The following PLEKHM1 variants were observed in gnomAD, a reference collection of about 807,000 sequenced individuals.
PLEKHM1 encodes the protein pleckstrin homology domain-containing family M member 1.
Under a neutral mutation model 94.3 loss-of-function variants are expected in PLEKHM1, and 28 were observed. That is an observed-to-expected ratio of 0.30 (90% CI 0.22 to 0.41). The LOEUF (loss-of-function observed/expected upper bound fraction) is 0.41, where lower values mean the gene tolerates loss of function less well. PLEKHM1 is among the 10% of genes least tolerant of loss of function. The pLI, the probability that PLEKHM1 is intolerant of heterozygous loss-of-function variation, is 1.00. For synonymous variants in PLEKHM1, 424 were observed against 581.2 expected, an observed-to-expected ratio of 0.73 and a Z score of 3.89; for missense variants, 907 against 1,358.6, an observed-to-expected ratio of 0.67 and a Z score of 5.22.
intron 11 of PLEKHM1, among the ~76,000 whole-genome samples, chr17:45,439,246 AG>A (rs1233188622): frequency 6.6e-6 from 1 of 152,254 alleles, no homozygotes; most frequent in Non-Finnish European, 1.5e-5. Context: ...CCATAGAGGC[AG>A]AGGAGTCCTG....
rs1215420622 is a variant in PLEKHM1 at position 45,435,921 on chromosome 17, T to C, written c.*1937A>G. 4.4e-6 allele frequency: 2 copies of C among 455,794 alleles called. No individual in the cohort carries two copies. Among genetic ancestry groups the C allele is most frequent in the Non-Finnish European group, 4.4e-6 (1 of 226,338 alleles). The allele number at this position is 455,794 out of a possible 1,614,324, so 28.2% of individuals were successfully genotyped here. A position where few individuals can be genotyped will look rare whatever the true frequency, so the allele number is the denominator to read the frequency against. The stretch of plus-strand genomic sequence containing the variant: ...CCAGTGATGAGAAAGATCAGGTCTT[T>C]ACTGCAAAATCATTCAAAACTCACA... On this transcript the variant is annotated 3_prime_UTR_variant, in exon 12 of 12. Transcript: ENST00000430334.
At chr17:45,456,819 A>T (rs939080210) in intron 6 of PLEKHM1, among the ~76,000 whole-genome samples, 5 of 152,208 alleles carry the variant, frequency 3.3e-5, no homozygotes, top group African/African-American at 1.2e-4. Context: ...TTACTGAAAA[A>T]TTTGGTTATG....
chr17:45,467,022 A>G (rs1470290563), intron 5 of PLEKHM1, among the ~76,000 whole-genome samples: 1 of 152,246 alleles, frequency 6.6e-6, no homozygotes, highest in Non-Finnish European at 1.5e-5. Flanking sequence ...AGGTTGCAAT[A>G]TATTTTTACA....
chr17:45,484,645 T>A (rs967257773), intron 1 of PLEKHM1, among the ~76,000 whole-genome samples: 3 of 152,240 alleles, frequency 2.0e-5, no homozygotes, highest in African/African-American at 7.2e-5. Context: ...TCACAGGTCA[T>A]GGCCCTCACA....
intron 1 of PLEKHM1, among the ~76,000 whole-genome samples, chr17:45,483,855 CCCTAGGAAAACCCGATT>C (rs1356452059): frequency 6.6e-6 from 1 of 152,144 alleles, no homozygotes; most frequent in African/African-American, 2.4e-5. Flanking sequence ...CCAACCCCAG[CCCTAGGAAAACCCGATT>C]CCTGAGTGAG....
At chr17:45,467,112 T>A (rs1343256576) in intron 5 of PLEKHM1, among the ~76,000 whole-genome samples, 3 of 152,222 alleles carry the variant, frequency 2.0e-5, no homozygotes, top group Non-Finnish European at 4.4e-5. Flanking sequence ...CATGCCCAGC[T>A]AATTTTTGTA....
At chr17:45,474,078 A>T (rs1399429476) in intron 4 of PLEKHM1, among the ~76,000 whole-genome samples, 1 of 148,818 alleles carries the variant, frequency 6.7e-6, no homozygotes, top group African/African-American at 2.5e-5. Flanking sequence ...TTTTTTTGAG[A>T]CAGAGTCTTA....
rs760295037 is a variant in PLEKHM1 at position 45,454,036 on chromosome 17, G to A, written c.1816C>T (p.Arg606Cys). 12 of 1,614,126 alleles carry A rather than the reference G, an allele frequency of 7.4e-6. No individual in the cohort carries two copies. Among genetic ancestry groups the A allele is most frequent in the South Asian group, 6.6e-5 (6 of 91,090 alleles). ...LVFSGKKLAL[R>C]ASSQDEAEDW... Reference sequence around the variant, plus strand: ...TCAGCTTCGTCCTGGGAGGAGGCGCGCAGGGCCAGCTTCTTGCCAGAGAAG... The same window carrying A: ...TCAGCTTCGTCCTGGGAGGAGGCGCACAGGGCCAGCTTCTTGCCAGAGAAG... Residue 606 changes from arginine (R) to cysteine (C), a missense_variant, in exon 7 of 12, where the codon CGC (arginine) becomes TGC (cysteine). This residue lies in a region of PLEKHM1 where 477 missense variants were observed against 601.5 expected (regional missense o/e 0.79). Coordinates refer to ENST00000430334, the MANE Select transcript of PLEKHM1 (RefSeq NM_014798.3).
chr17:45,479,286 G>A (rs62065436), intron 2 of PLEKHM1, among the ~76,000 whole-genome samples: 18,418 of 152,114 alleles, frequency 0.12, 1,536 homozygotes, highest in Middle Eastern at 0.21. Flanking sequence ...TTGGGAGGCC[G>A]AGGTGGGCGG....
At chr17:45,482,294 G>A in intron 2 of PLEKHM1, 143 bp downstream of exon 2, 1 of 554,338 alleles carries the variant, frequency 1.8e-6, no homozygotes, top group Non-Finnish European at 3.5e-6. Context: ...AAAAGACAGG[G>A]TCTCCTCAGA....
intron 4 of PLEKHM1, among the ~76,000 whole-genome samples, chr17:45,473,798 T>C (rs1430241869): frequency 1.3e-5 from 2 of 152,028 alleles, no homozygotes; most frequent in Non-Finnish European, 2.9e-5. Flanking sequence ...GCCTTTGTGA[T>C]CCGCCCGCCT....
chr17:45,443,521 C>T (rs1391099919), intron 9 of PLEKHM1, among the ~76,000 whole-genome samples: 1 of 152,220 alleles, frequency 6.6e-6, no homozygotes, highest in African/African-American at 2.4e-5. Flanking sequence ...CGCTGCTGCC[C>T]AGGGATGGAG....
chr17:45,442,990 A>G (rs1369357893), intron 9 of PLEKHM1, among the ~76,000 whole-genome samples: 1 of 152,168 alleles, frequency 6.6e-6, no homozygotes, highest in East Asian at 1.9e-4. Context: ...ACAGACACAC[A>G]ATGCCACTGG....
In PLEKHM1 at chr17:45,478,019, G is replaced by A; in HGVS notation, c.177C>T (p.Ile59=). Residue 59 remains isoleucine (I), a synonymous_variant, in exon 3 of 12, where the codon ATC becomes ATT. Coordinates refer to ENST00000430334, the MANE Select transcript of PLEKHM1 (RefSeq NM_014798.3). Reference sequence around the variant, plus strand: ...GGATGTGCTTGGCGTGCAGGCCATGGATAAATACGGCCTCCAGGGCGCTGC... The same window carrying A: ...GGATGTGCTTGGCGTGCAGGCCATGAATAAATACGGCCTCCAGGGCGCTGC... ...TMCSALEAVF[I]HGLHAKHIRA... 1 of 1,614,184 alleles carries A rather than the reference G, an allele frequency of 6.2e-7. No individual in the cohort carries two copies. Among genetic ancestry groups the A allele is most frequent in the South Asian group, 1.1e-5 (1 of 91,080 alleles).
At chr17:45,455,273 A>G (rs973284903) in intron 6 of PLEKHM1, among the ~76,000 whole-genome samples, 4 of 151,428 alleles carry the variant, frequency 2.6e-5, no homozygotes, top group African/African-American at 9.7e-5. Context: ...CCCCAAGGCC[A>G]CTCCTCAGCC....
intron 5 of PLEKHM1, chr17:45,460,204 A>T (rs2051111027): frequency 6.6e-6 from 1 of 152,238 alleles, no homozygotes; most frequent in African/African-American, 2.4e-5. Context: ...AGGCGGGAAC[A>T]GATTCTTCCT....
intron 1 of PLEKHM1, among the ~76,000 whole-genome samples, chr17:45,482,919 A>C (rs4792861): frequency 0.75 from 112,338 of 150,748 alleles, 42,360 homozygotes; most frequent in African/African-American, 0.84. Context: ...CAGGAACCCA[A>C]TGGGACCAGG....
At chr17:45,460,454 CT>C (rs1353418615) in intron 5 of PLEKHM1, 2 of 152,142 alleles carry the variant, frequency 1.3e-5, no homozygotes, top group Non-Finnish European at 2.9e-5. Flanking sequence ...GAGACAAAAC[CT>C]TGTCGGCCAG....
intron 6 of PLEKHM1, among the ~76,000 whole-genome samples, chr17:45,455,320 C>T (rs184230751): frequency 2.6e-3 from 389 of 152,120 alleles, no homozygotes; most frequent in Middle Eastern, 0.01. Context: ...GCTCGGTCCT[C>T]CCTGTGGCCT....
Sources: gnomAD v4.1 joint callset for allele counts (sites outside exome capture counted in the v4.1 genomes callset) on GRCh38, gnomAD v4.1.1 for gene constraint, gnomAD v4.1.1 regional missense constraint, MANE v1.5 for transcripts, NCBI Gene and HGNC (gene_info 2026-07-23, HGNC 2026-07-21) for gene names.